EPHB1: variants seen among roughly 807,000 people sequenced by gnomAD.
The protein encoded by EPHB1 is EPH receptor B1.
A neutral mutation model predicts 94.4 loss-of-function variants in EPHB1; 30 were observed. The ratio of observed to expected loss-of-function variants is 0.32; its 90% CI spans 0.24 to 0.43. EPHB1 has a LOEUF of 0.43. EPHB1 is among the 20% of genes least tolerant of loss of function. The probability of loss-of-function intolerance (pLI) is 1.00; values close to 1 mark genes in which losing one functional copy is unlikely to be tolerated. For missense variants in EPHB1, 1,055 were observed against 1,308.3 expected (o/e 0.81, Z 2.99); for synonymous variants, 522 against 489.1 (o/e 1.07, Z -0.89).
At chr3:134,810,220 T>G (rs2036142423) in intron 1 of EPHB1, among the ~76,000 whole-genome samples, 1 of 152,034 alleles carries the variant, frequency 6.6e-6, no homozygotes, top group Admixed American at 6.5e-5. Flanking sequence ...TTCTCTGGTT[T>G]TTGGCAATTA....
intron 3 of EPHB1, among the ~76,000 whole-genome samples, chr3:135,082,301 A>G (rs1938192836): frequency 6.6e-6 from 1 of 152,252 alleles, no homozygotes; most frequent in Non-Finnish European, 1.5e-5. Flanking sequence ...AGAAGTGTGC[A>G]AAGATAAACT....
At chr3:134,834,426 T>C (rs2036635347) in intron 1 of EPHB1, among the ~76,000 whole-genome samples, 2 of 152,062 alleles carry the variant, frequency 1.3e-5, no homozygotes. Flanking sequence ...CTCCTGACTC[T>C]GGATAGTCTT....
At chr3:135,258,139 A>G (rs1933494168) in intron 15 of EPHB1, among the ~76,000 whole-genome samples, 1 of 152,180 alleles carries the variant, frequency 6.6e-6, no homozygotes, top group Non-Finnish European at 1.5e-5. Context: ...CCGGTACCTC[A>G]GATGGAAATG....
chr3:134,874,750 G>A (rs1357038934), intron 1 of EPHB1, among the ~76,000 whole-genome samples: 1 of 152,176 alleles, frequency 6.6e-6, no homozygotes, highest in Admixed American at 6.5e-5. Context: ...CTCCTAATGG[G>A]GAGACATGTG....
At chr3:134,918,616 C>T (rs1047226893) in intron 1 of EPHB1, among the ~76,000 whole-genome samples, 1 of 152,168 alleles carries the variant, frequency 6.6e-6, no homozygotes, top group Non-Finnish European at 1.5e-5. Context: ...TCAGTTGAAA[C>T]ACTGTCTCCT....
intron 1 of EPHB1, among the ~76,000 whole-genome samples, chr3:134,858,805 T>C (rs2037181172): frequency 6.6e-6 from 1 of 152,134 alleles, no homozygotes. Flanking sequence ...TGGCCAGAGT[T>C]TCCAGCCAGG....
intron 1 of EPHB1, among the ~76,000 whole-genome samples, chr3:134,863,822 C>A (rs983495668): frequency 3.9e-5 from 6 of 152,234 alleles, no homozygotes; most frequent in Non-Finnish European, 7.3e-5. Flanking sequence ...TGCTGGCATC[C>A]TGTTCTGTCC....
intron 9 of EPHB1, among the ~76,000 whole-genome samples, chr3:135,170,580 C>T (rs1244982693): frequency 2.0e-5 from 3 of 151,882 alleles, no homozygotes; most frequent in African/African-American, 4.8e-5. Flanking sequence ...TTTGTGGGCC[C>T]GTTCTCAGTA....
intron 1 of EPHB1, among the ~76,000 whole-genome samples, chr3:134,924,966 A>G (rs1426223280): frequency 1.3e-5 from 2 of 152,254 alleles, no homozygotes; most frequent in Non-Finnish European, 2.9e-5. Context: ...ACTTTTGGGT[A>G]TGATGAATAT....
intron 5 of EPHB1, among the ~76,000 whole-genome samples, chr3:135,134,939 G>T (rs910853415): frequency 6.6e-6 from 1 of 152,030 alleles, no homozygotes; most frequent in African/African-American, 2.4e-5. Context: ...CCATCTGCTT[G>T]TCTTGCCATC....
chr3:134,987,638 G>A (rs1270455507), intron 3 of EPHB1, among the ~76,000 whole-genome samples: 1 of 152,140 alleles, frequency 6.6e-6, no homozygotes, highest in East Asian at 1.9e-4. Flanking sequence ...AGGTGTGGTG[G>A]CACGCGCTTG....
intron 3 of EPHB1, among the ~76,000 whole-genome samples, chr3:135,069,887 C>T (rs1937648433): frequency 6.6e-6 from 1 of 152,026 alleles, no homozygotes; most frequent in Admixed American, 6.5e-5. Context: ...CAAATGTTTG[C>T]CATTGAAATG....
Sources: gnomAD v4.1 joint callset for allele counts (sites outside exome capture counted in the v4.1 genomes callset) on GRCh38, gnomAD v4.1.1 for gene constraint, MANE v1.5 for transcripts, NCBI Gene and HGNC (gene_info 2026-07-23, HGNC 2026-07-21) for gene names.